SOX5: variants seen among roughly 807,000 people sequenced by gnomAD.
The protein encoded by SOX5 is SRY-box transcription factor 5.
A neutral mutation model predicts 92.0 loss-of-function variants in SOX5; 9 were observed. That is an observed-to-expected ratio of 0.10 (90% CI 0.06 to 0.17). The LOEUF is 0.17. Ranked by LOEUF, SOX5 falls within the 10% of genes least tolerant of loss-of-function variation. SOX5 has a pLI of 1.00. For synonymous variants in SOX5, 344 were observed against 336.3 expected, an observed-to-expected ratio of 1.02 and a Z score of -0.25; for missense variants, 642 against 944.5, an observed-to-expected ratio of 0.68 and a Z score of 4.20.
chr12:24,317,231 T>G (rs2140870493), intron 2 of SOX5, among the ~76,000 whole-genome samples: 1 of 152,358 alleles, frequency 6.6e-6, no homozygotes, highest in African/African-American at 2.4e-5. Context: ...AAGAAACTAT[T>G]CCATCAGAAT....
At chr12:24,000,310 T>C (rs1951471997) in intron 4 of SOX5, among the ~76,000 whole-genome samples, 1 of 151,840 alleles carries the variant, frequency 6.6e-6, no homozygotes, top group Non-Finnish European at 1.5e-5. Flanking sequence ...TTCATCCTTT[T>C]CTCTCCAAAC....
At chr12:23,875,368 C>A (rs2096916853) in intron 2 of SOX5, among the ~76,000 whole-genome samples, 1 of 152,112 alleles carries the variant, frequency 6.6e-6, no homozygotes, top group Admixed American at 6.6e-5. Flanking sequence ...CATTAGAATA[C>A]CCAAGGACTT....
At position 23,792,269 on chromosome 12, in the gene SOX5, T is replaced by G. The variant is rs2095487007; in HGVS notation, c.482-36545A>C. On this transcript the variant is annotated intron_variant, in intron 3 of 14. Transcript: ENST00000451604. Reference sequence around the variant, plus strand: ...GAGATACGAAAACCCCACAGTCAACTGAGGAAAAATAGTAATGACCCATCA... The same window carrying G: ...GAGATACGAAAACCCCACAGTCAACGGAGGAAAAATAGTAATGACCCATCA... Among the ~76,000 whole-genome samples the G allele has an allele frequency of 4.0e-5, 6 of 151,714 alleles. No individual in the cohort carries two copies. The South Asian group carries it at 1.2e-3, about 32-fold the overall frequency.
chr12:23,752,642 C>T (rs1409191694), intron 4 of SOX5, among the ~76,000 whole-genome samples: 2 of 151,724 alleles, frequency 1.3e-5, no homozygotes, highest in African/African-American at 4.8e-5. Flanking sequence ...TTTCTCCCTC[C>T]GCACTCAATA....
intron 3 of SOX5, among the ~76,000 whole-genome samples, chr12:24,263,430 A>C (rs992679929): frequency 6.8e-6 from 1 of 146,346 alleles, no homozygotes; most frequent in African/African-American, 2.5e-5. Flanking sequence ...CGGGAGGCTG[A>C]GGCATGAGAA....
At chr12:23,847,241 A>G (rs2096585375) in intron 2 of SOX5, among the ~76,000 whole-genome samples, 1 of 152,102 alleles carries the variant, frequency 6.6e-6, no homozygotes, top group African/African-American at 2.4e-5. Context: ...GTATCCTAAG[A>G]TCTTTGAGAC....
chr12:24,476,457 A>G lies in SOX5; in HGVS notation c.-251+85872T>C, dbSNP rs141884497. Among the ~76,000 whole-genome samples, 7 of 152,296 alleles carry G rather than the reference A, an allele frequency of 4.6e-5. No individual in the cohort carries two copies. In the East Asian group the frequency reaches 7.7e-4, roughly 17 times the overall value. On this transcript the variant is annotated intron_variant, in intron 1 of 4. Transcript: ENST00000446891. ...ATAAATAGACATTCTACAGTGGCCAATTTGGGGTCAATCATTAAAGCGAAA... is the reference window on the plus strand; with the variant it reads ...ATAAATAGACATTCTACAGTGGCCAGTTTGGGGTCAATCATTAAAGCGAAA...
At chr12:24,195,360 T>C (rs1345115145) in intron 4 of SOX5, among the ~76,000 whole-genome samples, 2 of 152,140 alleles carry the variant, frequency 1.3e-5, no homozygotes, top group South Asian at 2.1e-4. Flanking sequence ...AGTTTCAACA[T>C]ACAAAAGAGT....
intron 2 of SOX5, among the ~76,000 whole-genome samples, chr12:24,326,072 A>G (rs1203567987): frequency 6.6e-6 from 1 of 152,178 alleles, no homozygotes; most frequent in East Asian, 1.9e-4. Context: ...TCATCTCTAA[A>G]ACAAGGACCT....
Position 24,349,650 on chromosome 12 carries a change from T to C in SOX5, c.-174+18913A>G, listed in dbSNP as rs530035409. Reference sequence around the variant, plus strand: ...AAGCTGAGTAATATTCTGTTGTATGTACATAACACCTTTTGTTTATCCATT... The same window carrying C: ...AAGCTGAGTAATATTCTGTTGTATGCACATAACACCTTTTGTTTATCCATT... On this transcript the variant is annotated intron_variant, in intron 2 of 4. Coordinates refer to the SOX5 transcript ENST00000446891. Among the ~76,000 whole-genome samples the C allele has an allele frequency of 1.5e-3, 225 of 152,256 alleles. 1 individual carries two copies. Among genetic ancestry groups the C allele is most frequent in the Non-Finnish European group, 2.7e-3 (182 of 68,050 alleles).
At chr12:23,667,440 T>A (rs1160382990) in intron 6 of SOX5, among the ~76,000 whole-genome samples, 1 of 152,178 alleles carries the variant, frequency 6.6e-6, no homozygotes, top group Non-Finnish European at 1.5e-5. Context: ...TGAAAATGCA[T>A]TTTGTTTTAG....
At chr12:24,428,448 A>C (rs542815590) in intron 1 of SOX5, among the ~76,000 whole-genome samples, 1 of 152,262 alleles carries the variant, frequency 6.6e-6, no homozygotes, top group Admixed American at 6.5e-5. Flanking sequence ...ACTTGGAAAA[A>C]ATTAAAAGGC....
intron 2 of SOX5, among the ~76,000 whole-genome samples, chr12:24,343,588 T>A (rs1952828900): frequency 6.6e-6 from 1 of 152,108 alleles, no homozygotes; most frequent in Admixed American, 6.5e-5. Context: ...CACGCAGTCT[T>A]ATGTCTTTAA....
intron 2 of SOX5, among the ~76,000 whole-genome samples, chr12:24,323,529 CAT>C (rs1950403103): frequency 2.0e-5 from 3 of 151,868 alleles, no homozygotes; most frequent in Admixed American, 6.6e-5. Context: ...CTCTTTATAA[CAT>C]GTTTTAAAAA....
chr12:23,993,880 T>C (rs140208326), intron 4 of SOX5, among the ~76,000 whole-genome samples: 9 of 150,260 alleles, frequency 6.0e-5, no homozygotes, highest in Non-Finnish European at 7.4e-5. Context: ...TGTATGTATG[T>C]ATGTATGTAT....
chr12:24,459,054 T>A lies in SOX5; in HGVS notation c.-250-90415A>T, dbSNP rs1464584283. Among the ~76,000 whole-genome samples, 6 of 152,312 alleles carry A rather than the reference T, an allele frequency of 3.9e-5. No individual in the cohort carries two copies. In the East Asian group the frequency reaches 1.2e-3, roughly 29 times the overall value. On this transcript the variant is annotated intron_variant, in intron 1 of 4. Coordinates refer to the SOX5 transcript ENST00000446891. ...ACACCTGATCCCGACCAAAACTCTA[T>A]AAGCCAAGAAGTCAACATCCAAATA...
At chr12:24,524,351 C>A (rs575806912) in intron 1 of SOX5, among the ~76,000 whole-genome samples, 1 of 134,676 alleles carries the variant, frequency 7.4e-6, no homozygotes, top group African/African-American at 2.5e-5. Context: ...ATCTATCTAT[C>A]TATCTATCTA....
At chr12:23,968,928 C>T (rs1388779116) in intron 4 of SOX5, among the ~76,000 whole-genome samples, 2 of 152,136 alleles carry the variant, frequency 1.3e-5, no homozygotes, top group Non-Finnish European at 2.9e-5. Context: ...TGTCTATTTG[C>T]CAAGACTATT....
intron 2 of SOX5, among the ~76,000 whole-genome samples, chr12:24,339,204 G>C (rs1038490593): frequency 1.1e-4 from 7 of 64,658 alleles, no homozygotes; most frequent in Admixed American, 2.8e-4. Context: ...CACACACACA[G>C]AGTTACTGAG....
Sources: gnomAD v4.1 joint callset for allele counts (sites outside exome capture counted in the v4.1 genomes callset) on GRCh38, gnomAD v4.1.1 for gene constraint, MANE v1.5 for transcripts, NCBI Gene and HGNC (gene_info 2026-07-23, HGNC 2026-07-21) for gene names.